The following SLC27A2 variants were observed in gnomAD, a reference collection of about 807,000 sequenced individuals.
The protein encoded by SLC27A2 is solute carrier family 27 member 2.
SLC27A2 carries 54 observed loss-of-function variants against 60.0 expected under a neutral mutation model. That is an observed-to-expected ratio of 0.90 (90% CI 0.72 to 1.13). The LOEUF (loss-of-function observed/expected upper bound fraction) is 1.13, where lower values mean the gene tolerates loss of function less well. Ranked by LOEUF, SLC27A2 falls within the 50% of genes most tolerant of loss-of-function variation. The pLI, the probability that SLC27A2 is intolerant of heterozygous loss-of-function variation, is 0.00. For synonymous variants in SLC27A2, 297 were observed against 297.6 expected (o/e 1.00, Z 0.02); for missense variants, 739 against 777.6 (o/e 0.95, Z 0.59).
At chr15:50,186,850 T>C (rs1475728116) in intron 1 of SLC27A2, among the ~76,000 whole-genome samples, 2 of 152,224 alleles carry the variant, frequency 1.3e-5, no homozygotes, top group Non-Finnish European at 2.9e-5. Context: ...AATATTTTTT[T>C]CTCACTTACG....
intron 8 of SLC27A2, 43 bp from the exon 9 acceptor site, chr15:50,233,825 A>G: frequency 6.5e-7 from 1 of 1,546,632 alleles, no homozygotes; most frequent in Non-Finnish European, 8.8e-7. Context: ...AAAGCATCAT[A>G]AATAGCCTTA....
chr15:50,190,686 G>A (rs1281503948), intron 1 of SLC27A2, among the ~76,000 whole-genome samples: 4 of 150,698 alleles, frequency 2.7e-5, no homozygotes, highest in Non-Finnish European at 4.4e-5. Context: ...TCTTTGAACA[G>A]ACTTTAAAGG....
In SLC27A2 at chr15:50,197,621, A is replaced by C. The variant is rs2045034030; in HGVS notation, c.600A>C (p.Glu200Asp). 6.2e-7 allele frequency: 1 copy of C among 1,613,930 alleles called. No individual in the cohort carries two copies. The highest frequency in any genetic ancestry group is 1.3e-5 in the African/African-American group (1 of 74,932). Residue 200 changes from glutamate to aspartate, a missense_variant, in exon 2 of 10, where the codon GAA (glutamate) becomes GAC (aspartate). By Grantham distance (45) the Glu-to-Asp change is conservative (BLOSUM62 2). Transcript: ENST00000267842. ...GIDSFLDKVD[E>D]VSTEPIPESW... Reference sequence around the variant, plus strand: ...ACTCTTTCCTGGACAAAGTGGATGAAGTATCAACTGAACCTATCCCAGAGT... The same window carrying C: ...ACTCTTTCCTGGACAAAGTGGATGACGTATCAACTGAACCTATCCCAGAGT...
chr15:50,206,715 C>T (rs2045116037), intron 4 of SLC27A2, among the ~76,000 whole-genome samples: 1 of 152,176 alleles, frequency 6.6e-6, no homozygotes, highest in Non-Finnish European at 1.5e-5. Flanking sequence ...TGAGCAGGGG[C>T]TCTGTCCACT....
At chr15:50,186,506 C>T (rs12906478) in intron 1 of SLC27A2, among the ~76,000 whole-genome samples, 4 of 152,124 alleles carry the variant, frequency 2.6e-5, no homozygotes, top group African/African-American at 9.7e-5. Flanking sequence ...GGCGCGATCT[C>T]GACTCACGGC....
At chr15:50,201,724 T>G (rs977260925) in intron 2 of SLC27A2, among the ~76,000 whole-genome samples, 17 of 151,852 alleles carry the variant, frequency 1.1e-4, no homozygotes, top group Non-Finnish European at 2.5e-4. Context: ...CCCGGCTAAT[T>G]TTTTGTATTT....
intron 1 of SLC27A2, among the ~76,000 whole-genome samples, chr15:50,189,986 G>A (rs1241992250): frequency 6.6e-6 from 1 of 152,134 alleles, no homozygotes; most frequent in Non-Finnish European, 1.5e-5. Context: ...TTACCTAAAT[G>A]TAAAATGAGT....
intron 4 of SLC27A2, among the ~76,000 whole-genome samples, chr15:50,210,087 G>A (rs1221376662): frequency 6.6e-6 from 1 of 152,152 alleles, no homozygotes; most frequent in Non-Finnish European, 1.5e-5. Context: ...TTAAAACAGG[G>A]GAGTTATTTG....
chr15:50,182,333 A>G lies in SLC27A2; in HGVS notation c.-95A>G. On this transcript the variant is annotated 5_prime_UTR_variant, in exon 1 of 10. Transcript: ENST00000267842. The stretch of plus-strand genomic sequence containing the variant: ...CGTCCCGCCGCGTGCGCCCCGGCGC[A>G]GCCCGCCAGTCCGCCCGGAGCCCGC... 7.4e-7 allele frequency: 1 copy of G among 1,352,510 alleles called. No individual in the cohort carries two copies. The highest frequency in any genetic ancestry group is 9.5e-7 in the Non-Finnish European group (1 of 1,053,206). 83.8% of individuals were successfully genotyped at this position (1,352,510 alleles called of 1,614,324 possible).
intron 1 of SLC27A2, among the ~76,000 whole-genome samples, chr15:50,195,960 A>G (rs567614942): frequency 1.6e-4 from 23 of 147,170 alleles, no homozygotes; most frequent in African/African-American, 5.3e-4. Context: ...AGGCTGAGGC[A>G]GGAGAATGGC....
Position 50,218,651 on chromosome 15 carries a change from C to T in SLC27A2, c.973-4314C>T, listed in dbSNP as rs576404982. ...AATTCTATATCCAGCCAAATCATCA[C>T]TCAGATATACAATATTCAGATATTC... On this transcript the variant is annotated intron_variant, in intron 4 of 9. Transcript: ENST00000267842. Among the ~76,000 whole-genome samples, 9 of 152,104 alleles carry T rather than the reference C, an allele frequency of 5.9e-5. No homozygotes were observed. In the South Asian group the frequency reaches 1.5e-3, roughly 25 times the overall value.
Position 50,226,055 on chromosome 15 carries a change from G to T in SLC27A2, c.1235G>T (p.Gly412Val), listed in dbSNP as rs2045276003. 6.2e-7 allele frequency: 1 copy of T among 1,610,490 alleles called. No homozygotes were observed. Among genetic ancestry groups the T allele is most frequent in the South Asian group, 1.1e-5 (1 of 91,010 alleles). Residue 412 changes from glycine to valine, a missense_variant, in exon 6 of 10, where the codon GGA becomes GTA. Physicochemically the swap from Gly to Val is moderately radical, Grantham distance 109. Transcript: ENST00000267842. ...EKDEPVRDEN[G>V]YCVRVPKGEV... The stretch of plus-strand genomic sequence containing the variant: ...GATGAACCTGTCCGTGATGAAAATG[G>T]ATATTGCGTCAGAGTTCCCAAAGGT...
At chr15:50,190,329 A>G (rs1361049891) in intron 1 of SLC27A2, among the ~76,000 whole-genome samples, 1 of 152,190 alleles carries the variant, frequency 6.6e-6, no homozygotes, top group Non-Finnish European at 1.5e-5. Flanking sequence ...TCATCAACCA[A>G]CCATTTCATG....
intron 8 of SLC27A2, among the ~76,000 whole-genome samples, chr15:50,230,276 C>G (rs8040691): frequency 6.7e-6 from 1 of 150,288 alleles, no homozygotes; most frequent in African/African-American, 2.5e-5. Flanking sequence ...GACACTGTGG[C>G]TCACACCTGT....
intron 5 of SLC27A2, 124 bp from the exon 6 acceptor site, chr15:50,225,864 A>G (rs2045274248): frequency 1.8e-6 from 1 of 563,686 alleles, no homozygotes; most frequent in East Asian, 2.8e-5. Context: ...TGGCAGTTTT[A>G]AGGGTATATG....
intron 1 of SLC27A2, among the ~76,000 whole-genome samples, chr15:50,183,992 A>ATTTTTTTTTTTTTTTT (rs1595677867): frequency 8.4e-5 from 2 of 23,916 alleles, no homozygotes; most frequent in South Asian, 2.5e-3. Context: ...TCTTTCCTAC[A>ATTTTTTTTTTTTTTTT]TCTTTTTTTT....
intron 1 of SLC27A2, among the ~76,000 whole-genome samples, chr15:50,192,694 G>A (rs757703490): frequency 2.7e-5 from 4 of 149,920 alleles, no homozygotes; most frequent in Non-Finnish European, 3.0e-5. Flanking sequence ...ACAGGTGTGC[G>A]CCACCACATC....
intron 4 of SLC27A2, among the ~76,000 whole-genome samples, chr15:50,211,965 G>A (rs1194124314): frequency 6.6e-6 from 1 of 151,316 alleles, no homozygotes; most frequent in Non-Finnish European, 1.5e-5. Context: ...CAGCTACTCG[G>A]GAGGCTGAGG....
chr15:50,203,187 G>A (rs1026929365), intron 3 of SLC27A2, among the ~76,000 whole-genome samples: 8 of 151,280 alleles, frequency 5.3e-5, no homozygotes, highest in Admixed American at 5.3e-4. Flanking sequence ...GACCTTGACT[G>A]TAAAAAAAAA....
Sources: allele counts gnomAD v4.1 joint callset (sites outside exome capture counted in the v4.1 genomes callset), GRCh38; gene constraint gnomAD v4.1.1; transcripts MANE v1.5; gene names NCBI Gene and HGNC (gene_info 2026-07-23, HGNC 2026-07-21).